Variants in DLGAP1 observed in about 807,000 individuals in gnomAD.
The protein encoded by DLGAP1 is DLG associated protein 1.
DLGAP1 carries 11 observed loss-of-function variants against 90.8 expected under a neutral mutation model. The ratio of observed to expected loss-of-function variants is 0.12; its 90% CI spans 0.08 to 0.20. DLGAP1 has a LOEUF of 0.20. Among genes scored for constraint, DLGAP1 ranks in the 10% least tolerant of loss-of-function variants. The pLI is 1.00. For synonymous variants in DLGAP1, 558 were observed against 540.7 expected (o/e 1.03, Z -0.44); for missense variants, 1,050 against 1,333.8 (o/e 0.79, Z 3.31).
At chr18:3,908,375 A>C (rs2071958402) in intron 3 of DLGAP1, among the ~76,000 whole-genome samples, 1 of 152,226 alleles carries the variant, frequency 6.6e-6, no homozygotes. Context: ...TAGATTAAAT[A>C]TCTCAAAAAT....
intron 1 of DLGAP1, among the ~76,000 whole-genome samples, chr18:4,429,386 T>C (rs1250245744): frequency 2.0e-5 from 3 of 152,212 alleles, no homozygotes; most frequent in African/African-American, 7.2e-5. Context: ...TTATGTAAAA[T>C]GCATTATGTT....
intron 4 of DLGAP1, among the ~76,000 whole-genome samples, chr18:3,866,604 C>G (rs1353804479): frequency 6.6e-6 from 1 of 152,178 alleles, no homozygotes; most frequent in Non-Finnish European, 1.5e-5. Context: ...TTAAAAAGTA[C>G]AAAATGCACT....
Position 3,791,058 on chromosome 18 carries a change from C to T in DLGAP1, c.1172+23001G>A, listed in dbSNP as rs151137342. ...ACAGAATCAATTAGTGCAGGTTCAC[C>T]TAGATGGTACACCATGGACATGGCT... On this transcript the variant is annotated intron_variant, in intron 5 of 12. Coordinates refer to ENST00000315677, the MANE Select transcript of DLGAP1 (RefSeq NM_004746.4). Among the ~76,000 whole-genome samples, 713 of 152,204 alleles carry T rather than the reference C, an allele frequency of 4.7e-3. 4 individuals are homozygous for T. The highest frequency in any genetic ancestry group is 8.3e-3 in the South Asian group (40 of 4,814).
chr18:3,545,472 A>G (rs1228117801), intron 9 of DLGAP1, among the ~76,000 whole-genome samples: 1 of 152,210 alleles, frequency 6.6e-6, no homozygotes, highest in East Asian at 1.9e-4. Context: ...TAAATGGTCT[A>G]ATCACTCCAA....
intron 4 of DLGAP1, among the ~76,000 whole-genome samples, chr18:3,817,898 T>C (rs2067186032): frequency 6.6e-6 from 1 of 152,116 alleles, no homozygotes; most frequent in South Asian, 2.1e-4. Context: ...AAAGCCTGCG[T>C]TATTACTGTG....
intron 1 of DLGAP1, among the ~76,000 whole-genome samples, chr18:4,332,935 C>T (rs1446439377): frequency 2.6e-5 from 4 of 151,904 alleles, no homozygotes; most frequent in African/African-American, 7.3e-5. Flanking sequence ...ACTCTTCTCC[C>T]TCAGTTCTCA....
intron 3 of DLGAP1, among the ~76,000 whole-genome samples, chr18:3,996,576 T>C (rs986821890): frequency 1.3e-5 from 2 of 152,058 alleles, no homozygotes; most frequent in African/African-American, 2.4e-5. Context: ...CAAAAGAATG[T>C]AATATTTCTC....
intron 1 of DLGAP1, among the ~76,000 whole-genome samples, chr18:4,174,066 A>C (rs2077065782): frequency 1.3e-5 from 2 of 152,012 alleles, no homozygotes; most frequent in Non-Finnish European, 2.9e-5. Flanking sequence ...GATTCACTCA[A>C]CCTCCACCCT....
At chr18:3,977,432 G>GTTTTTTTTTTTTTTTTTTTT (rs1467413382) in intron 3 of DLGAP1, among the ~76,000 whole-genome samples, 1 of 52,752 alleles carries the variant, frequency 1.9e-5, no homozygotes, top group African/African-American at 8.6e-5. Context: ...TGTTTATTCT[G>GTTTTTTTTTTTTTTTTTTTT]TGTTTTTTTT....
At chr18:4,212,667 C>T (rs2077870601) in intron 1 of DLGAP1, among the ~76,000 whole-genome samples, 1 of 150,440 alleles carries the variant, frequency 6.6e-6, no homozygotes. Flanking sequence ...GATACCTCAT[C>T]ATAGGTCCTT....
chr18:4,347,027 T>C (rs1248811841), intron 1 of DLGAP1, among the ~76,000 whole-genome samples: 1 of 151,918 alleles, frequency 6.6e-6, no homozygotes, highest in Non-Finnish European at 1.5e-5. Flanking sequence ...GAATTAGCTA[T>C]TGAAAAAAAG....
chr18:4,132,006 T>C (rs1471112280), intron 2 of DLGAP1, among the ~76,000 whole-genome samples: 2 of 152,308 alleles, frequency 1.3e-5, no homozygotes, highest in African/African-American at 4.8e-5. Flanking sequence ...CAAAAGCGGT[T>C]GAAATGGTGT....
chr18:3,630,279 G>GT (rs2058477595), intron 7 of DLGAP1, among the ~76,000 whole-genome samples: 2 of 152,238 alleles, frequency 1.3e-5, no homozygotes, highest in Admixed American at 6.5e-5. Flanking sequence ...TGGGGCATCG[G>GT]TTTTTTCCAG....
intron 9 of DLGAP1, among the ~76,000 whole-genome samples, chr18:3,539,818 T>G (rs1037605206): frequency 1.8e-4 from 28 of 152,228 alleles, no homozygotes; most frequent in Non-Finnish European, 7.3e-5. Context: ...CATGAACTTA[T>G]TTTTAGGAGA....
At chr18:3,649,647 G>A (rs939426625) in intron 7 of DLGAP1, among the ~76,000 whole-genome samples, 12 of 152,112 alleles carry the variant, frequency 7.9e-5, no homozygotes, top group Non-Finnish European at 1.8e-4. Flanking sequence ...GGCAAATAGC[G>A]GCTCCTTGCC....
intron 8 of DLGAP1, among the ~76,000 whole-genome samples, chr18:3,576,683 G>A (rs901630128): frequency 7.3e-5 from 11 of 151,164 alleles, no homozygotes; most frequent in African/African-American, 2.4e-4. Context: ...TCCTGCCTCA[G>A]CCTCCCGAGT....
intron 1 of DLGAP1, among the ~76,000 whole-genome samples, chr18:4,320,787 C>A (rs1023936910): frequency 6.6e-6 from 1 of 150,650 alleles, no homozygotes. Flanking sequence ...AAAGAAAACC[C>A]GTAAGATTAA....
rs1010746848 is a variant in DLGAP1, at chr18:3,727,995, T to C, written c.1591+1140A>G. The C allele has an allele frequency of 1.3e-5, 2 of 152,130 alleles. No homozygotes were observed. Among genetic ancestry groups the C allele is most frequent in the African/African-American group, 4.8e-5 (2 of 41,430 alleles). 9.4% of individuals were successfully genotyped at this position (152,130 alleles called of 1,614,324 possible). A position where few individuals can be genotyped will look rare whatever the true frequency, so the allele number is the denominator to read the frequency against. On this transcript the variant is annotated intron_variant, in intron 7 of 12. Coordinates refer to ENST00000315677, the MANE Select transcript of DLGAP1 (RefSeq NM_004746.4). This position sits in a 1 kb window ranked among gnomAD's most constrained non-coding sequence, Gnocchi z 4.7. ...ACCCATATATTTATTTTAAATAAAA[T>C]TATCACCTCAATTCCATATATCTAG...
intron 1 of DLGAP1, among the ~76,000 whole-genome samples, chr18:4,285,073 C>CT (rs1317364265): frequency 8.9e-6 from 1 of 112,392 alleles, no homozygotes; most frequent in African/African-American, 2.8e-5. Context: ...ATAATTTCTA[C>CT]TTTTTGTAAA....
Sources: allele counts gnomAD v4.1 joint callset (sites outside exome capture counted in the v4.1 genomes callset), GRCh38; gene constraint gnomAD v4.1.1; non-coding constraint Gnocchi (gnomAD v3.1); transcripts MANE v1.5; gene names NCBI Gene and HGNC (gene_info 2026-07-23, HGNC 2026-07-21).